LAMA3: variants seen among roughly 807,000 people sequenced by gnomAD.
The protein encoded by LAMA3 is laminin subunit alpha 3, also known as laminin subunit alpha-3.
A neutral mutation model predicts 402.0 loss-of-function variants in LAMA3; 281 were observed. The ratio of observed to expected loss-of-function variants is 0.70; its 90% CI spans 0.63 to 0.77. The LOEUF is 0.77. LAMA3 is among the 30% of genes least tolerant of loss of function. LAMA3 has a pLI of 0.00. For synonymous variants in LAMA3, 1,431 were observed against 1,558.4 expected (o/e 0.92, Z 1.93); for missense variants, 3,840 against 4,215.5 (o/e 0.91, Z 2.47).
chr18:23,726,687 G>A (rs1394719851), intron 2 of LAMA3, among the ~76,000 whole-genome samples: 3 of 151,978 alleles, frequency 2.0e-5, no homozygotes, highest in Admixed American at 6.6e-5. Flanking sequence ...ACATGATCTC[G>A]GCTCACTACA....
intron 41 of LAMA3, among the ~76,000 whole-genome samples, chr18:23,889,800 A>G (rs1175078256): frequency 6.6e-6 from 1 of 152,102 alleles, no homozygotes; most frequent in Admixed American, 6.6e-5. Context: ...AAAATTGGAA[A>G]TTACATGGAT....
chr18:23,712,156 G>A (rs1259102563), intron 1 of LAMA3, among the ~76,000 whole-genome samples: 5 of 151,996 alleles, frequency 3.3e-5, no homozygotes, highest in Non-Finnish European at 5.9e-5. Flanking sequence ...CGAGGCAGGC[G>A]GATCACCTGA....
chr18:23,740,136 T>C (rs1254991272), intron 2 of LAMA3, among the ~76,000 whole-genome samples: 3 of 152,202 alleles, frequency 2.0e-5, no homozygotes, highest in Admixed American at 1.3e-4. Context: ...AGTTATGAAA[T>C]TGAGCTCAGA....
chr18:23,810,550 G>T (rs758698816), intron 13 of LAMA3, 47 bp downstream of exon 13: 37 of 1,610,802 alleles, frequency 2.3e-5, no homozygotes, highest in Admixed American at 2.2e-4. Context: ...TCTCTGAAGT[G>T]TGTGCAGCCA....
rs752190710 is a variant in LAMA3 at position 23,915,355 on chromosome 18, G to A, written c.7711G>A (p.Val2571Ile). The A allele has an allele frequency of 1.2e-6, 2 of 1,613,572 alleles. No homozygotes were observed. Among genetic ancestry groups the A allele is most frequent in the Non-Finnish European group, 1.7e-6 (2 of 1,179,512 alleles). The change falls in exon 59 of 75, where the codon GTT (valine) becomes ATT (isoleucine). Residue 2571 changes from valine to isoleucine, a missense_variant. This residue lies in a region of LAMA3 where 840 missense variants were observed against 981.9 expected (regional missense o/e 0.86). Coordinates refer to ENST00000313654, the MANE Select transcript of LAMA3 (RefSeq NM_198129.4). Reference sequence around the variant, plus strand: ...TGAATTAGATGACCTCAATGAAAATGTTCTGAGCTTGTACAACTTCAAAAA... The same window carrying A: ...TGAATTAGATGACCTCAATGAAAATATTCTGAGCTTGTACAACTTCAAAAA... ...CIELDDLNEN[V>I]LSLYNFKKTF...
intron 37 of LAMA3, 130 bp downstream of exon 37, chr18:23,868,047 C>A: frequency 1.3e-6 from 1 of 758,580 alleles, no homozygotes; most frequent in Non-Finnish European, 2.2e-6. Flanking sequence ...TTTATATATA[C>A]AGGTTGAGCA....
intron 24 of LAMA3, among the ~76,000 whole-genome samples, chr18:23,835,216 C>T (rs1471426825): frequency 6.6e-6 from 1 of 152,192 alleles, no homozygotes; most frequent in Admixed American, 6.5e-5. Context: ...CACGCCCACC[C>T]ACCAGTTCGG....
intron 68 of LAMA3, among the ~76,000 whole-genome samples, chr18:23,941,769 T>G (rs2082528779): frequency 6.6e-6 from 1 of 152,190 alleles, no homozygotes. Context: ...TTTTTGGGTG[T>G]TAGTCAGTTA....
At chr18:23,854,765 C>T (rs900614851) in intron 32 of LAMA3, among the ~76,000 whole-genome samples, 2 of 151,788 alleles carry the variant, frequency 1.3e-5, no homozygotes, top group African/African-American at 2.4e-5. Flanking sequence ...AGGCGGATCA[C>T]GAGGTCTGGA....
chr18:23,819,177 CT>C (rs11480167), intron 18 of LAMA3, among the ~76,000 whole-genome samples: 22 of 146,118 alleles, frequency 1.5e-4, no homozygotes, highest in South Asian at 8.6e-4. Flanking sequence ...GGCGAAGTGT[CT>C]TTTTTTTTTT....
intron 1 of LAMA3, among the ~76,000 whole-genome samples, chr18:23,696,350 AAATC>A (rs2060685906): frequency 6.6e-6 from 1 of 152,236 alleles, no homozygotes; most frequent in South Asian, 2.1e-4. Flanking sequence ...TTCATTAGGA[AAATC>A]ACTAAATAAG....
intron 32 of LAMA3, among the ~76,000 whole-genome samples, chr18:23,851,308 A>G (rs2063939358): frequency 1.3e-5 from 2 of 152,168 alleles, no homozygotes; most frequent in South Asian, 4.1e-4. Flanking sequence ...TAATACTGGC[A>G]TCTTCTTCTA....
Position 23,949,758 on chromosome 18 carries a change from G to A in LAMA3, c.9352-7G>A, listed in dbSNP as rs2241643. 0.61 allele frequency: 989,663 copies of A among 1,612,626 alleles called. 319,876 individuals are homozygous for A. Among genetic ancestry groups the A allele is most frequent in the Non-Finnish European group, 0.68 (797,433 of 1,179,268 alleles). The stretch of plus-strand genomic sequence containing the variant: ...TAATGAGCTTTTTCTTTTCTGCTTG[G>A]TTGCAGAGCCTCCCCACAAACAGCT... On this transcript the variant is annotated splice_region_variant and splice_polypyrimidine_tract_variant and intron_variant, in intron 70 of 74. Transcript: ENST00000313654.
At chr18:23,858,956 T>C (rs1339354036) in intron 34 of LAMA3, 127 bp downstream of exon 34, 5 of 947,758 alleles carry the variant, frequency 5.3e-6, no homozygotes, top group Admixed American at 1.7e-5. Flanking sequence ...GTCAGTTGTT[T>C]GCTCGAATGC....
chr18:23,702,096 T>G (rs1381485371), intron 1 of LAMA3, among the ~76,000 whole-genome samples: 3 of 151,898 alleles, frequency 2.0e-5, no homozygotes, highest in African/African-American at 7.3e-5. Context: ...GGTATATGGG[T>G]ACAGATGTTG....
intron 24 of LAMA3, among the ~76,000 whole-genome samples, chr18:23,836,463 C>T (rs1426757005): frequency 6.6e-6 from 1 of 152,094 alleles, no homozygotes; most frequent in African/African-American, 2.4e-5. Flanking sequence ...CTCTGTATCT[C>T]ACTTGATGTG....
At chr18:23,798,960 G>C (rs569453325) in intron 12 of LAMA3, among the ~76,000 whole-genome samples, 1 of 152,340 alleles carries the variant, frequency 6.6e-6, no homozygotes, top group African/African-American at 2.4e-5. Context: ...GGCAATGTCT[G>C]TCTGATAGCA....
intron 3 of LAMA3, 45 bp downstream of exon 3, chr18:23,748,105 G>A: frequency 9.4e-7 from 1 of 1,059,772 alleles, no homozygotes; most frequent in East Asian, 2.4e-5. Flanking sequence ...TTAATTACTT[G>A]GAACAGATAA....
At chr18:23,817,539 C>T (rs576729105) in intron 18 of LAMA3, among the ~76,000 whole-genome samples, 3 of 151,998 alleles carry the variant, frequency 2.0e-5, no homozygotes, top group Admixed American at 6.5e-5. Context: ...TAGTGAGACC[C>T]GATCCCTATA....
Sources: gnomAD v4.1 joint callset for allele counts (sites outside exome capture counted in the v4.1 genomes callset) on GRCh38, gnomAD v4.1.1 for gene constraint, gnomAD v4.1.1 regional missense constraint, MANE v1.5 for transcripts, NCBI Gene and HGNC (gene_info 2026-07-23, HGNC 2026-07-21) for gene names.